PIEZO2: variants seen among roughly 807,000 people sequenced by gnomAD.
The protein encoded by PIEZO2 is piezo type mechanosensitive ion channel component 2.
Under a neutral mutation model 337.3 loss-of-function variants are expected in PIEZO2, and 172 were observed. The observed-to-expected ratio is 0.51, with a 90% CI of 0.45 to 0.58. The LOEUF (loss-of-function observed/expected upper bound fraction) is 0.58. Among genes scored for constraint, PIEZO2 ranks in the 20% least tolerant of loss-of-function variants. The pLI is 0.00. For synonymous variants in PIEZO2, 1,251 were observed against 1,228.5 expected (o/e 1.02, Z -0.38); for missense variants, 3,028 against 3,391.3 (o/e 0.89, Z 2.66).
At chr18:10,852,726 T>C (rs2041590657) in intron 7 of PIEZO2, among the ~76,000 whole-genome samples, 1 of 152,186 alleles carries the variant, frequency 6.6e-6, no homozygotes, top group Non-Finnish European at 1.5e-5. Context: ...CAAAAAGCAC[T>C]ACATTACCAT....
rs774518482 is a variant in PIEZO2 at position 10,937,822 on chromosome 18, TG to T, written c.287-26595del. ...TGACATTTTGCTGAGTTATGCTCTA[TG>T]TTCTCATAGCCTTTGCCTGGACTTT... On this transcript the variant is annotated intron_variant, in intron 3 of 55. Coordinates refer to ENST00000674853, the MANE Select transcript of PIEZO2 (RefSeq NM_001378183.1). Among the ~76,000 whole-genome samples the T allele has an allele frequency of 3.7e-4, 57 of 152,226 alleles. 1 individual carries two copies. The highest frequency in any genetic ancestry group is 6.3e-4 in the Non-Finnish European group (43 of 68,042).
intron 39 of PIEZO2, among the ~76,000 whole-genome samples, chr18:10,710,501 A>G (rs1471941808): frequency 2.0e-5 from 3 of 152,224 alleles, no homozygotes; most frequent in Non-Finnish European, 4.4e-5. Flanking sequence ...TTTCTGTGTT[A>G]TCTGATTATA....
At position 10,940,943 on chromosome 18, in the gene PIEZO2, C is replaced by T. The variant is rs1391257380; in HGVS notation, c.287-29715G>A. ...AAGGTTATAGAGAAAATATATATGGCTCTGCATTTCTTCTAAATAACAAGG... is the reference window on the plus strand; with the variant it reads ...AAGGTTATAGAGAAAATATATATGGTTCTGCATTTCTTCTAAATAACAAGG... On this transcript the variant is annotated intron_variant, in intron 3 of 55. Transcript: ENST00000674853. This position sits in a 1 kb window ranked among gnomAD's most constrained non-coding sequence, Gnocchi z 5.3. Among the ~76,000 whole-genome samples, 1 of 152,004 alleles carries T rather than the reference C, an allele frequency of 6.6e-6. No individual in the cohort carries two copies. Among genetic ancestry groups the T allele is most frequent in the Non-Finnish European group, 1.5e-5 (1 of 68,012 alleles).
chr18:10,723,749 C>T (rs1261589451), intron 36 of PIEZO2, among the ~76,000 whole-genome samples: 1 of 152,094 alleles, frequency 6.6e-6, no homozygotes, highest in Non-Finnish European at 1.5e-5. Context: ...TGTCACTGGC[C>T]TTGGATGACC....
intron 7 of PIEZO2, among the ~76,000 whole-genome samples, chr18:10,845,465 C>G (rs1284765165): frequency 6.6e-6 from 1 of 152,004 alleles, no homozygotes; most frequent in African/African-American, 2.4e-5. Flanking sequence ...CTGACTTAAC[C>G]CTCACATGTA....
chr18:10,977,672 G>A (rs910030771), intron 3 of PIEZO2, among the ~76,000 whole-genome samples: 1 of 152,018 alleles, frequency 6.6e-6, no homozygotes, highest in Non-Finnish European at 1.5e-5. Flanking sequence ...TTAATAATGG[G>A]ATAACATGTG....
At chr18:11,046,295 A>T (rs1397874814) in intron 2 of PIEZO2, among the ~76,000 whole-genome samples, 1 of 152,262 alleles carries the variant, frequency 6.6e-6, no homozygotes, top group Non-Finnish European at 1.5e-5. Flanking sequence ...GATGCAGCCC[A>T]ATCAGCACCT....
chr18:10,850,660 T>G lies in PIEZO2; in HGVS notation c.917+4693A>C, dbSNP rs908620861. On this transcript the variant is annotated intron_variant, in intron 7 of 55. Coordinates refer to ENST00000674853, the MANE Select transcript of PIEZO2 (RefSeq NM_001378183.1). The surrounding 1 kb of genome is among the most constrained non-coding windows in gnomAD (Gnocchi z 4.5). The stretch of plus-strand genomic sequence containing the variant: ...GAAAATTACATTTTAGAACATTTTA[T>G]AACATAGGAAAATACACAGTTTGCA... Among the ~76,000 whole-genome samples the G allele has an allele frequency of 6.6e-6, 1 of 152,172 alleles. No homozygotes were observed. The highest frequency in any genetic ancestry group is 2.4e-5 in the African/African-American group (1 of 41,440).
At chr18:11,066,245 G>C (rs1253245514) in intron 1 of PIEZO2, 23 bp from the exon 2 acceptor site, 1 of 1,515,078 alleles carries the variant, frequency 6.6e-7, no homozygotes, top group African/African-American at 1.4e-5. Context: ...AGAGAGAAGA[G>C]AGTGAGAAGA....
At position 10,861,376 on chromosome 18, in the gene PIEZO2, A is replaced by ATT. The variant is rs2041868034; in HGVS notation, c.493-4167_493-4166dup. Among the ~76,000 whole-genome samples the ATT allele has an allele frequency of 6.6e-6, 1 of 152,162 alleles. No homozygotes were observed. Among genetic ancestry groups the ATT allele is most frequent in the Non-Finnish European group, 1.5e-5 (1 of 68,046 alleles). On this transcript the variant is annotated intron_variant, in intron 5 of 55. Transcript: ENST00000674853. The surrounding 1 kb of genome is among the most constrained non-coding windows in gnomAD (Gnocchi z 4.3). ...TTGACCATGTCAAAATCTAAAACTTATTTAAAGATATTTAAGTCCTTTATC... is the reference window on the plus strand; with the variant it reads ...TTGACCATGTCAAAATCTAAAACTTATTTTTAAAGATATTTAAGTCCTTTATC...
rs1359981382 is a variant in PIEZO2 at position 10,705,382 on chromosome 18, G to A, written c.5953C>T (p.Pro1985Ser). 6.5e-7 allele frequency: 1 copy of A among 1,537,222 alleles called. No homozygotes were observed. The highest frequency in any genetic ancestry group is 2.0e-5 in the Admixed American group (1 of 51,006). ...RTDKLGSSIL[P>S]PLTHELTASE... ...GCCGTCAGCTCATGGGTCAGGGGAG[G>A]TAAGATGCTGGACCCCAGCTTGTCG... is the stretch of plus-strand genomic sequence containing the variant. The change falls in exon 41 of 56, where the codon CCT (proline) becomes TCT (serine). Residue 1985 changes from proline (P) to serine (S), a missense_variant. Pro to Ser is a moderately conservative substitution (Grantham distance 74). Around this residue, in one of 5 missense-constraint regions of PIEZO2, gnomAD observed 1,925 missense variants for 2,051.9 expected, o/e 0.94. Coordinates refer to ENST00000674853, the MANE Select transcript of PIEZO2 (RefSeq NM_001378183.1).
At position 10,829,562 on chromosome 18, in the gene PIEZO2, G is replaced by A. The variant is rs61559235; in HGVS notation, c.918-22288C>T. ...TTATATTTGGAAAAACCTAAAGACT[G>A]CACCAAAAAATTGAGAGCTGACAAA... is the stretch of plus-strand genomic sequence containing the variant. On this transcript the variant is annotated intron_variant, in intron 7 of 55. Transcript: ENST00000674853. 2.3e-3 allele frequency among the ~76,000 whole-genome samples: 345 copies of A among 152,044 alleles called. 4 individuals carry two copies. Among genetic ancestry groups the A allele is most frequent in the African/African-American group, 7.6e-3 (314 of 41,462 alleles).
chr18:10,881,729 G>T (rs929859201), intron 4 of PIEZO2, among the ~76,000 whole-genome samples: 2 of 152,058 alleles, frequency 1.3e-5, no homozygotes, highest in African/African-American at 2.4e-5. Context: ...ACAAACAAAA[G>T]AATTGAATAA....
intron 3 of PIEZO2, among the ~76,000 whole-genome samples, chr18:10,964,324 T>G (rs264201): frequency 0.39 from 59,444 of 152,018 alleles, 12,885 homozygotes; most frequent in Non-Finnish European, 0.49. Context: ...GACAATGGAT[T>G]ATAATATTTT....
chr18:11,003,438 C>A lies in PIEZO2; in HGVS notation c.161-23778G>T, dbSNP rs2035615314. Among the ~76,000 whole-genome samples, 1 of 152,166 alleles carries A rather than the reference C, an allele frequency of 6.6e-6. No individual in the cohort carries two copies. Among genetic ancestry groups the A allele is most frequent in the African/African-American group, 2.4e-5 (1 of 41,442 alleles). ...AATTCCTAAGGCATATTTCTGGTCA[C>A]AAAAACATCACCAAACTTCTAAATA... On this transcript the variant is annotated intron_variant, in intron 2 of 55. Transcript: ENST00000674853. The surrounding 1 kb of genome is among the most constrained non-coding windows in gnomAD (Gnocchi z 4.6).
chr18:10,875,516 AG>A, intron 4 of PIEZO2, among the ~76,000 whole-genome samples: 1 of 152,202 alleles, frequency 6.6e-6, no homozygotes, highest in East Asian at 1.9e-4. Flanking sequence ...TGAGGTCAGG[AG>A]TAGTAGTAGG....
At chr18:10,961,484 A>G (rs1474328538) in intron 3 of PIEZO2, among the ~76,000 whole-genome samples, 2 of 152,212 alleles carry the variant, frequency 1.3e-5, no homozygotes, top group African/African-American at 4.8e-5. Flanking sequence ...TGATGGGTGA[A>G]CCAAAATCTC....
At chr18:10,970,385 G>A (rs999418516) in intron 3 of PIEZO2, among the ~76,000 whole-genome samples, 38 of 152,350 alleles carry the variant, frequency 2.5e-4, no homozygotes, top group African/African-American at 9.1e-4. Flanking sequence ...CCGTCTAGAT[G>A]AGCCCATTGC....
chr18:10,826,498 T>C (rs995284519), intron 7 of PIEZO2, among the ~76,000 whole-genome samples: 12 of 152,234 alleles, frequency 7.9e-5, no homozygotes, highest in Non-Finnish European at 1.5e-4. Context: ...ACTGATAACA[T>C]GTACTTCTAT....
Sources: allele counts gnomAD v4.1 joint callset (sites outside exome capture counted in the v4.1 genomes callset), GRCh38; gene constraint gnomAD v4.1.1; regional missense constraint gnomAD v4.1.1; non-coding constraint Gnocchi (gnomAD v3.1); transcripts MANE v1.5; gene names NCBI Gene and HGNC (gene_info 2026-07-23, HGNC 2026-07-21).